Variants in MYOM3 observed in about 807,000 individuals in gnomAD.
MYOM3 encodes myomesin 3, also known as myomesin-3.
Under a neutral mutation model 191.7 loss-of-function variants are expected in MYOM3, and 155 were observed. The observed-to-expected ratio is 0.81, with a 90% CI of 0.71 to 0.92. The LOEUF is 0.92. Ranked by LOEUF, MYOM3 falls within the 40% of genes least tolerant of loss-of-function variation. MYOM3 has a pLI of 0.00. For synonymous variants in MYOM3, 757 were observed against 762.9 expected (o/e 0.99, Z 0.13); for missense variants, 1,889 against 1,890.6 (o/e 1.00, Z 0.02).
chr1:24,064,733 C>A (rs1643413712), intron 29 of MYOM3, among the ~76,000 whole-genome samples: 1 of 152,224 alleles, frequency 6.6e-6, no homozygotes, highest in South Asian at 2.1e-4. Flanking sequence ...TTACACAGCA[C>A]CTTCCTTCAG....
At chr1:24,088,454 A>C (rs1272490753) in intron 14 of MYOM3, among the ~76,000 whole-genome samples, 1 of 152,214 alleles carries the variant, frequency 6.6e-6, no homozygotes, top group Non-Finnish European at 1.5e-5. Flanking sequence ...GCACAGAGAA[A>C]CTAAGTAACT....
intron 12 of MYOM3, 45 bp downstream of exon 12, chr1:24,090,752 C>T (rs1032056479): frequency 1.3e-6 from 2 of 1,594,406 alleles, no homozygotes; most frequent in East Asian, 2.2e-5. Flanking sequence ...CCTGAGGGTT[C>T]CCTGACTGAT....
Position 24,062,587 on chromosome 1 carries a change from C to T in MYOM3, c.3771-478G>A, listed in dbSNP as rs1643383909. Among the ~76,000 whole-genome samples the T allele has an allele frequency of 2.0e-5, 3 of 152,148 alleles. No individual in the cohort carries two copies. In the South Asian group the frequency reaches 6.2e-4, roughly 32 times the overall value. On this transcript the variant is annotated intron_variant, in intron 32 of 36. Coordinates refer to ENST00000374434, the MANE Select transcript of MYOM3 (RefSeq NM_152372.4). ...AACTCTGCTGTTGGATTATCTGGGG[C>T]CACTCAGAGAGTGGCTGAGTCTCTG...
intron 7 of MYOM3, among the ~76,000 whole-genome samples, chr1:24,096,930 G>A (rs936487809): frequency 2.0e-5 from 3 of 152,204 alleles, no homozygotes; most frequent in African/African-American, 7.2e-5. Context: ...TGAGAGAGGT[G>A]GTAGGATTGT....
chr1:24,102,809 G>A (rs1275566127), intron 5 of MYOM3, among the ~76,000 whole-genome samples: 1 of 152,136 alleles, frequency 6.6e-6, no homozygotes, highest in Non-Finnish European at 1.5e-5. Context: ...CTGCACCACT[G>A]CACTCCAGCC....
intron 1 of MYOM3, among the ~76,000 whole-genome samples, chr1:24,109,028 A>G (rs1048756655): frequency 2.0e-5 from 3 of 152,214 alleles, no homozygotes; most frequent in Admixed American, 6.5e-5. Context: ...GAGTAATTGA[A>G]ACTGTGATGT....
chr1:24,077,623 T>G (rs2148549121), intron 20 of MYOM3, among the ~76,000 whole-genome samples: 1 of 152,316 alleles, frequency 6.6e-6, no homozygotes, highest in African/African-American at 2.4e-5. Context: ...ACCCCCTCAA[T>G]TGCAGCATTT....
intron 11 of MYOM3, among the ~76,000 whole-genome samples, 163 bp downstream of exon 11, chr1:24,092,000 ATGCCCCTCCAT>A (rs1348272828): frequency 6.6e-6 from 1 of 152,154 alleles, no homozygotes; most frequent in Admixed American, 6.5e-5. Context: ...GGAGGTGTGG[ATGCCCCTCCAT>A]TGCCCCTAAA....
rs1471454892 is a variant in MYOM3 at position 24,075,402 on chromosome 1, G to A, written c.2775C>T (p.Pro925=). The change falls in exon 22 of 37, where the codon CCC becomes CCT. Residue 925 remains proline (P), a synonymous_variant. Transcript: ENST00000374434. ...IYLAFEAPEA[P]DSSEFQWSKD... is the part of the protein sequence containing the mutation. ...TGGACCACTGAAACTCTGAGGAGTC[G>A]GGGGCTTCAGGGGCTTCAAAAGCCA... The A allele has an allele frequency of 5.6e-6, 9 of 1,609,924 alleles. No individual in the cohort carries two copies. Among genetic ancestry groups the A allele is most frequent in the Admixed American group, 3.4e-5 (2 of 59,012 alleles).
rs572067478 is a variant in MYOM3, at chr1:24,111,139, C to T, written c.-19+892G>A. ...CAAGTTTGCGGCCTCACTGCCCTTTCCCAAAGGACCAGGGTGCCTCTTCCC... is the reference window on the plus strand; with the variant it reads ...CAAGTTTGCGGCCTCACTGCCCTTTTCCAAAGGACCAGGGTGCCTCTTCCC... On this transcript the variant is annotated intron_variant, in intron 1 of 36. Coordinates refer to ENST00000374434, the MANE Select transcript of MYOM3 (RefSeq NM_152372.4). The surrounding 1 kb of genome is among the most constrained non-coding windows in gnomAD (Gnocchi z 4.7). Among the ~76,000 whole-genome samples the T allele has an allele frequency of 2.0e-4, 30 of 152,354 alleles. No homozygotes were observed. Among genetic ancestry groups the T allele is most frequent in the African/African-American group, 7.0e-4 (29 of 41,584 alleles).
At chr1:24,081,952 C>T (rs769072920) in intron 18 of MYOM3, 49 bp downstream of exon 18, 36 of 1,535,912 alleles carry the variant, frequency 2.3e-5, no homozygotes, top group South Asian at 1.3e-4. Flanking sequence ...GCCCTCTGGT[C>T]GCTGCTAAAC....
intron 5 of MYOM3, among the ~76,000 whole-genome samples, chr1:24,101,663 G>A (rs908282833): frequency 3.9e-5 from 6 of 152,188 alleles, no homozygotes; most frequent in African/African-American, 1.4e-4. Flanking sequence ...GAGGCAGGAG[G>A]ACTGCTTGAG....
chr1:24,088,219 C>A (rs1031561836), intron 14 of MYOM3, among the ~76,000 whole-genome samples: 5 of 152,082 alleles, frequency 3.3e-5, no homozygotes, highest in African/African-American at 1.2e-4. Context: ...CAAGGGGACC[C>A]ACTGATTCCA....
chr1:24,075,876 A>C (rs1304302216), intron 21 of MYOM3, among the ~76,000 whole-genome samples: 1 of 152,250 alleles, frequency 6.6e-6, no homozygotes, highest in African/African-American at 2.4e-5. Flanking sequence ...ATATTTATTA[A>C]ATGAATGAAT....
At position 24,082,689 on chromosome 1, in the gene MYOM3, C is replaced by A. The variant is rs1286896440; in HGVS notation, c.1996G>T (p.Gly666Trp). The A allele has an allele frequency of 6.2e-7, 1 of 1,611,302 alleles. No homozygotes were observed. Among genetic ancestry groups the A allele is most frequent in the South Asian group, 1.1e-5 (1 of 90,390 alleles). Residue 666 changes from glycine to tryptophan, a missense_variant, in exon 17 of 37, where the codon GGG becomes TGG. Transcript: ENST00000374434. Reference sequence around the variant, plus strand: ...CTGACACAAAACTCGTACTCCTTCCCCGTCCTCAGCCCGGGAACTGTAAAC... The same window carrying A: ...CTGACACAAAACTCGTACTCCTTCCACGTCCTCAGCCCGGGAACTGTAAAC... ...TRFTVPGLRT[G>W]KEYEFCVRSV...
At chr1:24,074,076 G>A (rs766321972) in intron 23 of MYOM3, 84 bp downstream of exon 23, 6 of 1,040,636 alleles carry the variant, frequency 5.8e-6, no homozygotes, top group African/African-American at 1.6e-5. Context: ...ACTCATTTTG[G>A]TTGCTTTTTG....
chr1:24,075,483 C>T lies in MYOM3; in HGVS notation c.2702-8G>A, dbSNP rs749639733. On this transcript the variant is annotated splice_region_variant and splice_polypyrimidine_tract_variant and intron_variant, in intron 21 of 36. Coordinates refer to ENST00000374434, the MANE Select transcript of MYOM3 (RefSeq NM_152372.4). Reference sequence around the variant, plus strand: ...CCTCGATCTCATGGGCACCTGAGGGCGAGATCCAACAGAGGGCAGCGGATG... The same window carrying T: ...CCTCGATCTCATGGGCACCTGAGGGTGAGATCCAACAGAGGGCAGCGGATG... 95 of 1,554,076 alleles carry T rather than the reference C, an allele frequency of 6.1e-5. No homozygotes were observed. The highest frequency in any genetic ancestry group is 1.6e-4 in the Admixed American group (8 of 49,428).
intron 17 of MYOM3, 50 bp from the exon 18 acceptor site, chr1:24,082,238 A>G (rs1465802559): frequency 1.3e-6 from 2 of 1,494,466 alleles, no homozygotes; most frequent in African/African-American, 2.8e-5. Context: ...GGGTGGCTGG[A>G]TTGGACAGTG....
chr1:24,082,283 G>A (rs1017848082), intron 17 of MYOM3, 95 bp from the exon 18 acceptor site: 1 of 1,152,276 alleles, frequency 8.7e-7, no homozygotes, highest in African/African-American at 1.6e-5. Flanking sequence ...CCTCTAGTTG[G>A]TGCCTGCCCT....
Sources: allele counts gnomAD v4.1 joint callset (sites outside exome capture counted in the v4.1 genomes callset), GRCh38; gene constraint gnomAD v4.1.1; non-coding constraint Gnocchi (gnomAD v3.1); transcripts MANE v1.5; gene names NCBI Gene and HGNC (gene_info 2026-07-23, HGNC 2026-07-21).